The following IGSF21 variants were observed in gnomAD, a reference collection of about 807,000 sequenced individuals.
The protein encoded by IGSF21 is immunoglobulin superfamily member 21.
A neutral mutation model predicts 46.8 loss-of-function variants in IGSF21; 28 were observed. The observed-to-expected ratio is 0.60, with a 90% CI of 0.44 to 0.82. The LOEUF (loss-of-function observed/expected upper bound fraction) is 0.82. Ranked by LOEUF, IGSF21 falls within the 40% of genes least tolerant of loss-of-function variation. The pLI is 0.00. For synonymous variants in IGSF21, 284 were observed against 273.6 expected (o/e 1.04, Z -0.38); for missense variants, 624 against 665.5 (o/e 0.94, Z 0.69).
At chr1:18,275,127 A>C (rs2085087340) in intron 2 of IGSF21, among the ~76,000 whole-genome samples, 1 of 152,248 alleles carries the variant, frequency 6.6e-6, no homozygotes, top group South Asian at 2.1e-4. Flanking sequence ...TACAAATTTC[A>C]AATTTCAGAA....
At chr1:18,232,885 AG>A (rs2124511029) in intron 2 of IGSF21, among the ~76,000 whole-genome samples, 1 of 152,302 alleles carries the variant, frequency 6.6e-6, no homozygotes, top group South Asian at 2.1e-4. Flanking sequence ...TCTGTTGGTC[AG>A]GGGGTGGGGA....
intron 2 of IGSF21, among the ~76,000 whole-genome samples, chr1:18,246,516 G>T (rs2084785654): frequency 6.6e-6 from 1 of 152,022 alleles, no homozygotes; most frequent in African/African-American, 2.4e-5. Flanking sequence ...TATTTCTGTG[G>T]TCTTGTCCCC....
intron 9 of IGSF21, 85 bp downstream of exon 9, chr1:18,377,516 A>G (rs1557668779): frequency 9.3e-7 from 1 of 1,075,200 alleles, no homozygotes; most frequent in East Asian, 2.4e-5. Flanking sequence ...AACTTCCCAT[A>G]TGCACACCCT....
At chr1:18,315,235 C>T (rs1019773426) in intron 3 of IGSF21, among the ~76,000 whole-genome samples, 6 of 152,254 alleles carry the variant, frequency 3.9e-5, no homozygotes, top group Admixed American at 3.9e-4. Flanking sequence ...GAGTTTTGCT[C>T]CTCCTCCTGA....
chr1:18,330,709 A>T (rs1008396264), intron 3 of IGSF21, among the ~76,000 whole-genome samples: 7 of 152,122 alleles, frequency 4.6e-5, no homozygotes, highest in African/African-American at 1.7e-4. Context: ...AGAAGGAAAA[A>T]GTGTGCTGGG....
At chr1:18,254,366 CCCT>C (rs2084870530) in intron 2 of IGSF21, among the ~76,000 whole-genome samples, 5 of 150,974 alleles carry the variant, frequency 3.3e-5, no homozygotes, top group Non-Finnish European at 5.9e-5. Context: ...AAAACCCTAA[CCCT>C]AACCCTAACC....
At chr1:18,210,430 G>A (rs778274432) in intron 1 of IGSF21, among the ~76,000 whole-genome samples, 26 of 152,198 alleles carry the variant, frequency 1.7e-4, no homozygotes, top group Non-Finnish European at 3.2e-4. Flanking sequence ...CTAGTTTAGT[G>A]GCAAAGAAGT....
intron 3 of IGSF21, among the ~76,000 whole-genome samples, chr1:18,293,882 C>T (rs561788098): frequency 6.6e-6 from 1 of 152,274 alleles, no homozygotes; most frequent in South Asian, 2.1e-4. Flanking sequence ...ACCCAGGGAC[C>T]ATCTAGAACA....
chr1:18,233,241 C>T (rs1323986212), intron 2 of IGSF21, among the ~76,000 whole-genome samples: 1 of 152,178 alleles, frequency 6.6e-6, no homozygotes, highest in African/African-American at 2.4e-5. Flanking sequence ...TTTCAGTACC[C>T]CTTTATCTCA....
intron 4 of IGSF21, among the ~76,000 whole-genome samples, chr1:18,336,520 A>G (rs1009635578): frequency 1.3e-5 from 2 of 152,206 alleles, no homozygotes; most frequent in African/African-American, 4.8e-5. Flanking sequence ...CAGGCAGCTC[A>G]GTGTTGGGCC....
At chr1:18,120,289 C>T (rs913149352) in intron 1 of IGSF21, among the ~76,000 whole-genome samples, 2 of 152,212 alleles carry the variant, frequency 1.3e-5, no homozygotes. Flanking sequence ...GCCAGACAGC[C>T]AGGCGGCCCT....
chr1:18,326,581 G>A (rs1224210716), intron 3 of IGSF21, among the ~76,000 whole-genome samples: 5 of 152,240 alleles, frequency 3.3e-5, no homozygotes, highest in Non-Finnish European at 5.9e-5. Flanking sequence ...CCCAGAATGA[G>A]ATACTGTGTA....
intron 4 of IGSF21, among the ~76,000 whole-genome samples, chr1:18,348,679 C>T (rs565313066): frequency 1.0e-3 from 155 of 152,316 alleles, no homozygotes; most frequent in Non-Finnish European, 1.1e-3. Context: ...GCAGGGATCA[C>T]AGCCTGAGGA....
intron 4 of IGSF21, among the ~76,000 whole-genome samples, chr1:18,355,626 A>G (rs992648895): frequency 2.0e-5 from 3 of 151,710 alleles, no homozygotes; most frequent in African/African-American, 4.9e-5. Context: ...AAAAAAAACT[A>G]GAAAGTCAAC....
At chr1:18,294,897 G>A (rs144775005) in intron 3 of IGSF21, among the ~76,000 whole-genome samples, 179 of 152,380 alleles carry the variant, frequency 1.2e-3, no homozygotes, top group Admixed American at 2.1e-3. Context: ...GCGACGGGGC[G>A]CGGGACTCCG....
rs529286231 is a variant in IGSF21 at position 18,225,085 on chromosome 1, TCACACACACACA to T, written c.71-2780_71-2769del. Among the ~76,000 whole-genome samples, 129 of 51,616 alleles carry T rather than the reference TCACACACACACA, an allele frequency of 2.5e-3. 2 individuals carry two copies. The East Asian group carries it at 0.055, about 22-fold the overall frequency. The allele number at this position is 51,616 out of a possible 152,430, so 33.9% of individuals were successfully genotyped here. A position where few individuals can be genotyped will look rare whatever the true frequency, so the allele number is the denominator to read the frequency against. On this transcript the variant is annotated intron_variant, in intron 1 of 9. Transcript: ENST00000251296. ...GTATCTCTCTCTCTCTCTCTCTCTC[TCACACACACACA>T]CACACACACACACACACACACACAC...
intron 1 of IGSF21, among the ~76,000 whole-genome samples, chr1:18,198,484 T>A (rs944595367): frequency 5.9e-5 from 9 of 152,152 alleles, no homozygotes; most frequent in Middle Eastern, 3.2e-3. Context: ...TCGTCATTCA[T>A]CTCCCCCGTT....
chr1:18,375,751 C>T (rs901815540), intron 6 of IGSF21, among the ~76,000 whole-genome samples: 2 of 152,318 alleles, frequency 1.3e-5, no homozygotes, highest in African/African-American at 2.4e-5. Context: ...TGGCTCTCCT[C>T]AAGGTGTGAC....
intron 1 of IGSF21, among the ~76,000 whole-genome samples, chr1:18,221,455 C>T (rs139088820): frequency 2.5e-3 from 384 of 152,292 alleles, no homozygotes; most frequent in African/African-American, 8.7e-3. Context: ...TGAGCCAGCC[C>T]TCTGGACACA....
Sources: allele counts gnomAD v4.1 joint callset (sites outside exome capture counted in the v4.1 genomes callset), GRCh38; gene constraint gnomAD v4.1.1; transcripts MANE v1.5; gene names NCBI Gene and HGNC (gene_info 2026-07-23, HGNC 2026-07-21).